The following SLC16A2 variants were observed in gnomAD, a reference collection of about 807,000 sequenced individuals.
The protein encoded by SLC16A2 is monocarboxylate transporter 8.
In SLC16A2, 3 loss-of-function variants were observed where a neutral mutation model predicts 27.2. The ratio of observed to expected loss-of-function variants is 0.11; its 90% CI spans 0.05 to 0.28. The LOEUF is 0.28. Among genes scored for constraint, SLC16A2 ranks in the 10% least tolerant of loss-of-function variants. The pLI is 1.00. For synonymous variants in SLC16A2, 202 were observed against 187.8 expected (o/e 1.08, Z -0.62); for missense variants, 295 against 458.5 (o/e 0.64, Z 3.26).
chrX:74,494,876 C>T (rs770896205), intron 1 of SLC16A2, among the ~76,000 whole-genome samples: 51 of 111,397 alleles, frequency 4.6e-4, no homozygotes, highest in Admixed American at 3.8e-4. Flanking sequence ...TCTGACACCC[C>T]TACCTGCTCT....
At chrX:74,521,586 C>A (rs1930407584) in intron 2 of SLC16A2, among the ~76,000 whole-genome samples, 1 of 112,296 alleles carries the variant, frequency 8.9e-6, no homozygotes, top group African/African-American at 3.2e-5. Flanking sequence ...CACTTTCCAT[C>A]CCAAGATTGA....
intron 1 of SLC16A2, among the ~76,000 whole-genome samples, chrX:74,441,431 T>C (rs1928746960): frequency 8.9e-6 from 1 of 111,992 alleles, no homozygotes; most frequent in African/African-American, 3.2e-5. Flanking sequence ...ATAATCCTGA[T>C]TGGGAACCAG....
intron 1 of SLC16A2, chrX:74,477,003 C>T (rs149738966): frequency 3.3e-4 from 37 of 111,503 alleles, no homozygotes; most frequent in African/African-American, 7.5e-4. Flanking sequence ...AAAATGAGTT[C>T]GGGAGGATTC....
intron 1 of SLC16A2, among the ~76,000 whole-genome samples, chrX:74,431,127 G>A (rs1928528214): frequency 8.9e-6 from 1 of 112,605 alleles, no homozygotes; most frequent in South Asian, 3.6e-4. Context: ...ATAGCCAAAG[G>A]AAAACAAATC....
chrX:74,435,094 T>A (rs1928602223), intron 1 of SLC16A2, among the ~76,000 whole-genome samples: 1 of 110,241 alleles, frequency 9.1e-6, no homozygotes, highest in African/African-American at 3.3e-5. Context: ...CCTCCCAAAG[T>A]ACTGGAATTA....
chrX:74,496,812 G>A (rs149056740), intron 1 of SLC16A2, among the ~76,000 whole-genome samples: 3,156 of 112,233 alleles, frequency 0.028, 52 homozygotes, highest in Non-Finnish European at 0.048. Flanking sequence ...GCTAGAATGG[G>A]AGGGTTTTCC....
At chrX:74,526,312 C>G (rs930113667) in intron 4 of SLC16A2, among the ~76,000 whole-genome samples, 1 of 111,287 alleles carries the variant, frequency 9.0e-6, no homozygotes, top group Non-Finnish European at 1.9e-5. Flanking sequence ...GAAGTGGTAC[C>G]CAAGTGCAGA....
chrX:74,421,712 G>C lies in SLC16A2; in HGVS notation c.75G>C (p.Pro25=). 1 of 1,182,773 alleles carries C rather than the reference G, an allele frequency of 8.5e-7. No homozygotes were observed. The highest frequency in any genetic ancestry group is 1.7e-5 in the African/African-American group (1 of 57,476). ...AGGCAGACCAGGAACAGCAGGAGCC[G>C]GTGGGTAGCCCAGAGCCGGAGTCTG... The part of the protein sequence containing the change: ...WQEADQEQQE[P]VGSPEPESEP... Residue 25 remains proline, a synonymous_variant, in exon 1 of 6, where the codon CCG becomes CCC. Transcript: ENST00000587091.
rs58357634 is a variant in SLC16A2, at chrX:74,439,477, A to ATTT, written c.430+17426_430+17428dup. ...AGACATGCACCACCAGGCCCGGCTA[A>ATTT]TTTTTTTTTTTTTTTTTTGTAGAGA... On this transcript the variant is annotated intron_variant, in intron 1 of 5. Transcript: ENST00000587091. 3.4e-4 allele frequency among the ~76,000 whole-genome samples: 27 copies of ATTT among 78,536 alleles called. No individual in the cohort carries two copies. The South Asian group carries it at 4.9e-3, about 14-fold the overall frequency. The allele number at this position is 78,536 out of a possible 115,157, so 68.2% of individuals were successfully genotyped here. A position where few individuals can be genotyped will look rare whatever the true frequency, so the allele number is the denominator to read the frequency against.
intron 1 of SLC16A2, among the ~76,000 whole-genome samples, chrX:74,439,695 G>T (rs1015932715): frequency 6.4e-5 from 7 of 108,632 alleles, no homozygotes; most frequent in Admixed American, 1.0e-4. Context: ...GGGTATGTGT[G>T]GTGGGGGAGT....
At chrX:74,513,848 T>C (rs1409710900) in intron 1 of SLC16A2, among the ~76,000 whole-genome samples, 1 of 111,855 alleles carries the variant, frequency 8.9e-6, no homozygotes, top group Non-Finnish European at 1.9e-5. Flanking sequence ...AAAAACAATG[T>C]GTTCCCTACT....
intron 1 of SLC16A2, among the ~76,000 whole-genome samples, chrX:74,424,935 G>A (rs1056287366): frequency 4.5e-5 from 5 of 111,863 alleles, no homozygotes; most frequent in Non-Finnish European, 9.4e-5. Flanking sequence ...CATATTTCAC[G>A]ACACCTTCAA....
chrX:74,427,656 A>C (rs1045594597), intron 1 of SLC16A2, among the ~76,000 whole-genome samples: 12 of 111,722 alleles, frequency 1.1e-4, no homozygotes, highest in Admixed American at 1.0e-3. Context: ...AAAGATGAAA[A>C]CTACTCTTTT....
chrX:74,478,343 A>G (rs1028256124), intron 1 of SLC16A2, among the ~76,000 whole-genome samples: 19 of 111,198 alleles, frequency 1.7e-4, no homozygotes, highest in African/African-American at 6.2e-4. Context: ...TTTGCTTGGT[A>G]GATCTTCCTC....
rs183893002 is a variant in SLC16A2 at position 74,467,081 on chromosome X, T to G, written c.430+45014T>G. On this transcript the variant is annotated intron_variant, in intron 1 of 5. Coordinates refer to ENST00000587091, the MANE Select transcript of SLC16A2 (RefSeq NM_006517.5). Reference sequence around the variant, plus strand: ...TAGCTCTCTGCCAGAGAGAGAGGTATAAAGCCCTTTAAGGGCCCGCCCCTC... The same window carrying G: ...TAGCTCTCTGCCAGAGAGAGAGGTAGAAAGCCCTTTAAGGGCCCGCCCCTC... 1.9e-4 allele frequency among the ~76,000 whole-genome samples: 21 copies of G among 111,943 alleles called. No individual in the cohort carries two copies. The East Asian group carries it at 5.8e-3, about 31-fold the overall frequency.
intron 1 of SLC16A2, among the ~76,000 whole-genome samples, chrX:74,435,088 C>T (rs776615161): frequency 1.2e-3 from 135 of 110,015 alleles, no homozygotes; most frequent in Non-Finnish European, 2.2e-3. Flanking sequence ...CCTCGGCCTC[C>T]CAAAGTACTG....
intron 1 of SLC16A2, among the ~76,000 whole-genome samples, chrX:74,456,588 T>A (rs1929045233): frequency 8.9e-6 from 1 of 112,318 alleles, no homozygotes; most frequent in Admixed American, 9.5e-5. Context: ...ACTCATGTGA[T>A]GCTGCCAGCA....
chrX:74,520,308 A>G (rs1008405481), intron 1 of SLC16A2, among the ~76,000 whole-genome samples: 2 of 110,642 alleles, frequency 1.8e-5, no homozygotes, highest in South Asian at 7.6e-4. Flanking sequence ...AGACGAAATA[A>G]AAAAAAAAGC....
intron 1 of SLC16A2, among the ~76,000 whole-genome samples, chrX:74,485,882 A>G (rs1275083804): frequency 9.0e-6 from 1 of 110,776 alleles, no homozygotes; most frequent in East Asian, 2.8e-4. Context: ...TGGGTCTGGG[A>G]TGGTGGCAAA....
Sources: allele counts gnomAD v4.1 joint callset (sites outside exome capture counted in the v4.1 genomes callset), GRCh38; gene constraint gnomAD v4.1.1; transcripts MANE v1.5; gene names NCBI Gene and HGNC (gene_info 2026-07-23, HGNC 2026-07-21).